RNF227: variants seen among roughly 807,000 people sequenced by gnomAD.
RNF227 encodes long intergenic non-protein coding RNA 2581.
Under a neutral mutation model 4.9 loss-of-function variants are expected in RNF227, and 8 were observed. That is an observed-to-expected ratio of 1.65 (90% CI 0.97 to 2.98). The LOEUF is 2.98. RNF227 is among the 30% of genes most tolerant of loss of function. The probability of loss-of-function intolerance (pLI) is 0.00; values close to 1 mark genes in which losing one functional copy is unlikely to be tolerated. For synonymous variants in RNF227, 63 were observed against 28.1 expected (o/e 2.25, Z -3.94); for missense variants, 136 against 65.4 (o/e 2.08, Z -3.72).
chr17:7,915,870 C>T lies in RNF227; in HGVS notation c.326G>A (p.Arg109Gln), dbSNP rs1482789110. Residue 109 changes from arginine (R) to glutamine (Q), a missense_variant, in exon 1 of 2, where the codon CGG (arginine) becomes CAG (glutamine). Coordinates refer to ENST00000324348, the MANE Select transcript of RNF227 (RefSeq NM_001358699.2). ...DLWSRLEEKA[R>Q]AKCERDEAGN... is the part of the protein sequence containing the mutation. ...AGCCTCATCTCGTTCGCACTTGGCC[C>T]GCGCTTTTTCCTCCAATCGCGACCA... 1.4e-6 allele frequency: 1 copy of T among 702,636 alleles called. No individual in the cohort carries two copies. The highest frequency in any genetic ancestry group is 2.7e-5 in the East Asian group (1 of 37,256). The allele number at this position is 702,636 out of a possible 1,614,324, so 43.5% of individuals were successfully genotyped here. A position where few individuals can be genotyped will look rare whatever the true frequency, so the allele number is the denominator to read the frequency against.
In RNF227 at chr17:7,915,732, C is replaced by G. The variant is rs1194051934; in HGVS notation, c.464G>C (p.Trp155Ser). ...CCGCGCAGGCCCCAGGACCCTGTCC[C>G]AGAGCCGCCGGAGCGCGCGCCACCC... The part of the protein sequence containing the change: ...SAGWRALRRL[W>S]DRVLGPARRW... The change falls in exon 1 of 2, where the codon TGG becomes TCG. Residue 155 changes from tryptophan (W) to serine (S), a missense_variant. Trp to Ser is a radical substitution (Grantham distance 177, BLOSUM62 -3). Transcript: ENST00000324348. The G allele has an allele frequency of 4.3e-6, 3 of 702,620 alleles. No homozygotes were observed. The highest frequency in any genetic ancestry group is 7.8e-6 in the Non-Finnish European group (3 of 384,746). 43.5% of individuals were successfully genotyped at this position (702,620 alleles called of 1,614,324 possible).
Position 7,914,597 on chromosome 17 carries a change from T to TCTGGAGTGGGATC in RNF227, c.*912_*924dup. ...CCCTGCCAGAGTCTGATTCAGGAAGTCTGGAGTGGGATCCTAGAGTGAGAC... is the reference window on the plus strand; with the variant it reads ...CCCTGCCAGAGTCTGATTCAGGAAGTCTGGAGTGGGATCCTGGAGTGGGATCCTAGAGTGAGAC... On this transcript the variant is annotated 3_prime_UTR_variant, in exon 2 of 2. Coordinates refer to ENST00000324348, the MANE Select transcript of RNF227 (RefSeq NM_001358699.2). 1 of 152,096 alleles carries TCTGGAGTGGGATC rather than the reference T, an allele frequency of 6.6e-6. No individual in the cohort carries two copies. Among genetic ancestry groups the TCTGGAGTGGGATC allele is most frequent in the Non-Finnish European group, 1.5e-5 (1 of 68,038 alleles). The allele number at this position is 152,096 out of a possible 1,614,324, so 9.4% of individuals were successfully genotyped here.
At position 7,914,986 on chromosome 17, in the gene RNF227, A is replaced by C; in HGVS notation, c.*536T>G. On this transcript the variant is annotated 3_prime_UTR_variant, in exon 2 of 2. Transcript: ENST00000324348. The stretch of plus-strand genomic sequence containing the variant: ...GATTCTGAAATGAAGCAAGGCTCCT[A>C]ATCATAGTCACAGGCAGGGAGCCAT... 1 of 205,698 alleles carries C rather than the reference A, an allele frequency of 4.9e-6. No homozygotes were observed. The highest frequency in any genetic ancestry group is 1.0e-5 in the Non-Finnish European group (1 of 98,880). The allele number at this position is 205,698 out of a possible 1,614,324, so 12.7% of individuals were successfully genotyped here.
In RNF227 at chr17:7,914,084, T is replaced by TC. The variant is rs1448874431; in HGVS notation, c.*1437dup. 3 of 142,912 alleles carry TC rather than the reference T, an allele frequency of 2.1e-5. No individual in the cohort carries two copies. Among genetic ancestry groups the TC allele is most frequent in the African/African-American group, 7.8e-5 (3 of 38,274 alleles). 8.9% of individuals were successfully genotyped at this position (142,912 alleles called of 1,614,324 possible). Reference sequence around the variant, plus strand: ...TCCAGTCTGGGCAACAGAGCAAGACTCCATCTCAAAAAAAAAAAAAAAGAA... The same window carrying TC: ...TCCAGTCTGGGCAACAGAGCAAGACTCCCATCTCAAAAAAAAAAAAAAAGAA... On this transcript the variant is annotated 3_prime_UTR_variant, in exon 2 of 2. Transcript: ENST00000324348.
rs1262550534 is a variant in RNF227 at position 7,913,657 on chromosome 17, T to C, written c.*1865A>G. 1.3e-5 allele frequency: 2 copies of C among 152,218 alleles called. No individual in the cohort carries two copies. The highest frequency in any genetic ancestry group is 2.9e-5 in the Non-Finnish European group (2 of 68,026). 9.4% of individuals were successfully genotyped at this position (152,218 alleles called of 1,614,324 possible). A position where few individuals can be genotyped will look rare whatever the true frequency, so the allele number is the denominator to read the frequency against. ...TTATACCCCCATAAGTGTATAATTATGATTTGTCAATCAAAAATATTTATA... is the reference window on the plus strand; with the variant it reads ...TTATACCCCCATAAGTGTATAATTACGATTTGTCAATCAAAAATATTTATA... On this transcript the variant is annotated 3_prime_UTR_variant, in exon 2 of 2. Coordinates refer to ENST00000324348, the MANE Select transcript of RNF227 (RefSeq NM_001358699.2).
At position 7,914,824 on chromosome 17, in the gene RNF227, AAC is replaced by A. The variant is rs1303481600; in HGVS notation, c.*696_*697del. 2 of 155,518 alleles carry A rather than the reference AAC, an allele frequency of 1.3e-5. No homozygotes were observed. The highest frequency in any genetic ancestry group is 4.8e-5 in the African/African-American group (2 of 41,478). The allele number at this position is 155,518 out of a possible 1,614,324, so 9.6% of individuals were successfully genotyped here. A position where few individuals can be genotyped will look rare whatever the true frequency, so the allele number is the denominator to read the frequency against. ...AGTGTGTTCCCGTGACTGTAAAGAT[AAC>A]ACAGATAATAGCAAAAGTTTGAAAT... is the stretch of plus-strand genomic sequence containing the variant. On this transcript the variant is annotated 3_prime_UTR_variant, in exon 2 of 2. Coordinates refer to ENST00000324348, the MANE Select transcript of RNF227 (RefSeq NM_001358699.2).
rs1162289681 is a variant in RNF227, at chr17:7,916,036, C to A, written c.160G>T (p.Glu54Ter). The change falls in exon 1 of 2, where the codon GAG becomes TAG. Residue 54 changes from glutamate to a stop codon, truncating the protein, a stop_gained. Coordinates refer to ENST00000324348, the MANE Select transcript of RNF227 (RefSeq NM_001358699.2). LOFTEE classifies it high-confidence loss of function. ...GHTICTACLR[E>*]LAARGDGGGA... Reference sequence around the variant, plus strand: ...CCGCCGTCCCCGCGCGCCGCCAGCTCGCGGAGGCAGGCGGTGCAGATCGTG... The same window carrying A: ...CCGCCGTCCCCGCGCGCCGCCAGCTAGCGGAGGCAGGCGGTGCAGATCGTG... The A allele has an allele frequency of 2.8e-6, 1 of 356,262 alleles. No homozygotes were observed. The highest frequency in any genetic ancestry group is 5.0e-6 in the Non-Finnish European group (1 of 199,814). The allele number at this position is 356,262 out of a possible 1,614,324, so 22.1% of individuals were successfully genotyped here.
In RNF227 at chr17:7,916,273, G is replaced by C. The variant is rs1971971638; in HGVS notation, c.-78C>G. ...GAACGAGCACACTCTCCTGGGGCCG[G>C]GTCGGGTCCTGGGGCCGGCGCCGCG... On this transcript the variant is annotated 5_prime_UTR_variant, in exon 1 of 2. Coordinates refer to ENST00000324348, the MANE Select transcript of RNF227 (RefSeq NM_001358699.2). 5.6e-6 allele frequency: 2 copies of C among 354,406 alleles called. No individual in the cohort carries two copies. The highest frequency in any genetic ancestry group is 4.3e-5 in the African/African-American group (2 of 46,784). The allele number at this position is 354,406 out of a possible 1,614,324, so 22.0% of individuals were successfully genotyped here.
Position 7,915,080 on chromosome 17 carries a change from G to T in RNF227, c.*442C>A. The stretch of plus-strand genomic sequence containing the variant: ...CATACCAGCACCCTTACATGCCAGA[G>T]AAGTGAGATTAACATGACGCGAAAA... On this transcript the variant is annotated 3_prime_UTR_variant, in exon 2 of 2. Transcript: ENST00000324348. The T allele has an allele frequency of 6.2e-6, 2 of 321,682 alleles. No homozygotes were observed. Among genetic ancestry groups the T allele is most frequent in the South Asian group, 5.2e-5 (2 of 38,216 alleles). 19.9% of individuals were successfully genotyped at this position (321,682 alleles called of 1,614,324 possible).
rs1161884193 is a variant in RNF227 at position 7,915,897 on chromosome 17, A to C, written c.299T>G (p.Leu100Trp). The change falls in exon 1 of 2, where the codon TTG becomes TGG. Residue 100 changes from leucine to tryptophan, a missense_variant. Transcript: ENST00000324348. ...CGCTTTTTCCTCCAATCGCGACCAC[A>C]AGTCCGAGTCAAGAGCCATCTCCGT... is the stretch of plus-strand genomic sequence containing the variant. Reference protein sequence around the residue: ...GLTEMALDSDLWSRLEEKARA... With the variant: ...GLTEMALDSDWWSRLEEKARA... The C allele has an allele frequency of 1.4e-6, 1 of 702,294 alleles. No individual in the cohort carries two copies. Among genetic ancestry groups the C allele is most frequent in the Admixed American group, 2.0e-5 (1 of 49,986 alleles). 43.5% of individuals were successfully genotyped at this position (702,294 alleles called of 1,614,324 possible). A position where few individuals can be genotyped will look rare whatever the true frequency, so the allele number is the denominator to read the frequency against.
chr17:7,915,309 A>C lies in RNF227; in HGVS notation c.*213T>G. The C allele has an allele frequency of 1.5e-6, 1 of 667,240 alleles. No individual in the cohort carries two copies. The highest frequency in any genetic ancestry group is 1.6e-5 in the South Asian group (1 of 62,930). The allele number at this position is 667,240 out of a possible 1,614,324, so 41.3% of individuals were successfully genotyped here. On this transcript the variant is annotated 3_prime_UTR_variant, in exon 2 of 2. Coordinates refer to ENST00000324348, the MANE Select transcript of RNF227 (RefSeq NM_001358699.2). The stretch of plus-strand genomic sequence containing the variant: ...ATCCCTTGGCCACTCCATCCTGAAA[A>C]TGTAAGACTGGCACAGTCAGTAGAT...
rs1363881164 is a variant in RNF227, at chr17:7,915,308, A to T, written c.*214T>A. ...CATCCCTTGGCCACTCCATCCTGAA[A>T]ATGTAAGACTGGCACAGTCAGTAGA... is the stretch of plus-strand genomic sequence containing the variant. On this transcript the variant is annotated 3_prime_UTR_variant, in exon 2 of 2. Coordinates refer to ENST00000324348, the MANE Select transcript of RNF227 (RefSeq NM_001358699.2). 1 of 664,380 alleles carries T rather than the reference A, an allele frequency of 1.5e-6. No individual in the cohort carries two copies. The highest frequency in any genetic ancestry group is 2.8e-6 in the Non-Finnish European group (1 of 362,846). The allele number at this position is 664,380 out of a possible 1,614,324, so 41.2% of individuals were successfully genotyped here.
rs1567886723 is a variant in RNF227, at chr17:7,915,931, C to CGCGAGGGAGCT, written c.254_264dup (p.Gly89SerfsTer101). On this transcript the variant is annotated frameshift_variant, in exon 1 of 2. Coordinates refer to ENST00000324348, the MANE Select transcript of RNF227 (RefSeq NM_001358699.2). LOFTEE classifies it high-confidence loss of function. Reference sequence around the variant, plus strand: ...TCAAGAGCCATCTCCGTGAGGCCGCCGCGAGGGAGCTGCGAGGGCGCGCGG... The same window carrying CGCGAGGGAGCT: ...TCAAGAGCCATCTCCGTGAGGCCGCCGCGAGGGAGCTGCGAGGGAGCTGCGAGGGCGCGCGG... 1.5e-6 allele frequency: 1 copy of CGCGAGGGAGCT among 688,038 alleles called. No individual in the cohort carries two copies. Among genetic ancestry groups the CGCGAGGGAGCT allele is most frequent in the South Asian group, 1.5e-5 (1 of 67,060 alleles). The allele number at this position is 688,038 out of a possible 1,614,324, so 42.6% of individuals were successfully genotyped here.
At position 7,915,493 on chromosome 17, in the gene RNF227, C is replaced by T. The variant is rs760217647; in HGVS notation, c.*29G>A. 23 of 702,944 alleles carry T rather than the reference C, an allele frequency of 3.3e-5. No individual in the cohort carries two copies. The highest frequency in any genetic ancestry group is 5.2e-5 in the African/African-American group (3 of 57,272). The allele number at this position is 702,944 out of a possible 1,614,324, so 43.5% of individuals were successfully genotyped here. On this transcript the variant is annotated 3_prime_UTR_variant, in exon 2 of 2. Transcript: ENST00000324348. ...CCCGCGAGGCTGCAGCTCCCACCTTCCTTCGGCTGTAGCTTCCGAGTTCCT... is the reference window on the plus strand; with the variant it reads ...CCCGCGAGGCTGCAGCTCCCACCTTTCTTCGGCTGTAGCTTCCGAGTTCCT...
In RNF227 at chr17:7,915,950, C is replaced by G; in HGVS notation, c.246G>C (p.Ala82=). The change falls in exon 1 of 2, where the codon GCG becomes GCC. Residue 82 remains alanine, a synonymous_variant. Coordinates refer to ENST00000324348, the MANE Select transcript of RNF227 (RefSeq NM_001358699.2). ...GGCCGCCGCGAGGGAGCTGCGAGGG[C>G]GCGCGGCAGAAGGGGCACGTGACCA... ...RRVVTCPFCR[A]PSQLPRGGLT... is the part of the protein sequence containing the mutation. 2 of 671,900 alleles carry G rather than the reference C, an allele frequency of 3.0e-6. No individual in the cohort carries two copies. The highest frequency in any genetic ancestry group is 5.5e-6 in the Non-Finnish European group (2 of 364,308). 41.6% of individuals were successfully genotyped at this position (671,900 alleles called of 1,614,324 possible).
At position 7,915,955 on chromosome 17, in the gene RNF227, G is replaced by A. The variant is rs1435514845; in HGVS notation, c.241C>T (p.Arg81Cys). 31 of 661,086 alleles carry A rather than the reference G, an allele frequency of 4.7e-5. No homozygotes were observed. Among genetic ancestry groups the A allele is most frequent in the Middle Eastern group, 7.0e-4 (2 of 2,862 alleles). The allele number at this position is 661,086 out of a possible 1,614,324, so 41.0% of individuals were successfully genotyped here. The change falls in exon 1 of 2, where the codon CGC becomes TGC. Residue 81 changes from arginine to cysteine, a missense_variant. Physicochemically the swap from Arg to Cys is radical, Grantham distance 180. Transcript: ENST00000324348. ...CCGCGAGGGAGCTGCGAGGGCGCGC[G>A]GCAGAAGGGGCACGTGACCACGCGG... ...LRRVVTCPFC[R>C]APSQLPRGGL...
rs1971953825 is a variant in RNF227, at chr17:7,915,451, T to G, written c.*71A>C. On this transcript the variant is annotated 3_prime_UTR_variant, in exon 2 of 2. Transcript: ENST00000324348. ...GCCAATCCTGGGATCTGAGAGAGAGTAGTCTTGACATCAGCCCCCGCGAGG... is the reference window on the plus strand; with the variant it reads ...GCCAATCCTGGGATCTGAGAGAGAGGAGTCTTGACATCAGCCCCCGCGAGG... The G allele has an allele frequency of 2.8e-6, 2 of 702,268 alleles. No homozygotes were observed. Among genetic ancestry groups the G allele is most frequent in the African/African-American group, 1.7e-5 (1 of 57,282 alleles). The allele number at this position is 702,268 out of a possible 1,614,324, so 43.5% of individuals were successfully genotyped here.
chr17:7,915,967 A>C lies in RNF227; in HGVS notation c.229T>G (p.Cys77Gly), dbSNP rs2151710146. 1.4e-5 allele frequency: 8 copies of C among 559,372 alleles called. No homozygotes were observed. The South Asian group carries it at 1.6e-4, about 12-fold the overall frequency. The allele number at this position is 559,372 out of a possible 1,614,324, so 34.7% of individuals were successfully genotyped here. A position where few individuals can be genotyped will look rare whatever the true frequency, so the allele number is the denominator to read the frequency against. Residue 77 changes from cysteine (C) to glycine (G), a missense_variant, in exon 1 of 2, where the codon TGC (cysteine) becomes GGC (glycine). Transcript: ENST00000324348. ...RVVRLRRVVT[C>G]PFCRAPSQLP... ...TGCGAGGGCGCGCGGCAGAAGGGGC[A>C]CGTGACCACGCGGCGCAGGCGCACC... is the stretch of plus-strand genomic sequence containing the variant.
In RNF227 at chr17:7,916,114, C is replaced by T. The variant is rs1199377188; in HGVS notation, c.82G>A (p.Gly28Arg). The change falls in exon 1 of 2, where the codon GGG (glycine) becomes AGG (arginine). Residue 28 changes from glycine to arginine, a missense_variant. Gly to Arg is a moderately radical substitution (Grantham distance 125, BLOSUM62 -2). Coordinates refer to ENST00000324348, the MANE Select transcript of RNF227 (RefSeq NM_001358699.2). ...GGCAGGCGGCGGGGCGCGCGGCACC[C>T]GAGGTTGAAAGGACGGTAGCAGATG... ...CNICYRPFNL[G>R]CRAPRRLPGT... 2 of 395,648 alleles carry T rather than the reference C, an allele frequency of 5.1e-6. No homozygotes were observed. 24.5% of individuals were successfully genotyped at this position (395,648 alleles called of 1,614,324 possible). A position where few individuals can be genotyped will look rare whatever the true frequency, so the allele number is the denominator to read the frequency against.
Sources: allele counts gnomAD v4.1 joint callset, GRCh38; gene constraint gnomAD v4.1.1; transcripts MANE v1.5; gene names NCBI Gene and HGNC (gene_info 2026-07-23, HGNC 2026-07-21).